The following NR3C2 variants were observed in gnomAD, a reference collection of about 807,000 sequenced individuals.
NR3C2 encodes nuclear receptor subfamily 3 group C member 2.
A neutral mutation model predicts 86.4 loss-of-function variants in NR3C2; 15 were observed. The ratio of observed to expected loss-of-function variants is 0.17; its 90% CI spans 0.12 to 0.27. The LOEUF (loss-of-function observed/expected upper bound fraction) is 0.27. NR3C2 is among the 10% of genes least tolerant of loss of function. The pLI is 1.00. For missense variants in NR3C2, 960 were observed against 1,195.6 expected (o/e 0.80, Z 2.91); for synonymous variants, 458 against 450.5 (o/e 1.02, Z -0.21).
At chr4:148,225,622 A>G (rs900996320) in intron 3 of NR3C2, among the ~76,000 whole-genome samples, 1 of 152,200 alleles carries the variant, frequency 6.6e-6, no homozygotes, top group Non-Finnish European at 1.5e-5. Context: ...AATTTGAATA[A>G]TTTTGAAATA....
At chr4:148,119,454 C>CGTAA (rs1732413459) in intron 7 of NR3C2, among the ~76,000 whole-genome samples, 2 of 152,282 alleles carry the variant, frequency 1.3e-5, no homozygotes, top group East Asian at 3.9e-4. Flanking sequence ...ACCACCATTA[C>CGTAA]ATTCCTTACC....
At chr4:148,115,028 GGT>G (rs1732209181) in intron 7 of NR3C2, among the ~76,000 whole-genome samples, 1 of 152,162 alleles carries the variant, frequency 6.6e-6, no homozygotes, top group African/African-American at 2.4e-5. Flanking sequence ...CACGTACACT[GGT>G]TTATGCGTGT....
At chr4:148,323,448 C>T (rs1300372947) in intron 2 of NR3C2, among the ~76,000 whole-genome samples, 2 of 143,394 alleles carry the variant, frequency 1.4e-5, no homozygotes, top group Non-Finnish European at 3.0e-5. Flanking sequence ...CTAATCAAGC[C>T]TGTGCAATGG....
intron 6 of NR3C2, among the ~76,000 whole-genome samples, chr4:148,129,664 C>T (rs1432224067): frequency 3.9e-5 from 6 of 152,144 alleles, no homozygotes; most frequent in East Asian, 1.9e-4. Flanking sequence ...GGCACGATCT[C>T]GGCTCACTGC....
chr4:148,357,904 T>C (rs1745628473), intron 2 of NR3C2, among the ~76,000 whole-genome samples: 1 of 152,226 alleles, frequency 6.6e-6, no homozygotes. Context: ...TTTTGATTTA[T>C]GCTGTTGTAA....
intron 4 of NR3C2, among the ~76,000 whole-genome samples, chr4:148,162,265 GA>G (rs1734694735): frequency 6.6e-6 from 1 of 152,212 alleles, no homozygotes; most frequent in Non-Finnish European, 1.5e-5. Context: ...CAGGAAGTCA[GA>G]TAGGGACAAA....
chr4:148,096,766 C>T (rs947318178), intron 8 of NR3C2, among the ~76,000 whole-genome samples: 2 of 152,186 alleles, frequency 1.3e-5, no homozygotes, highest in Non-Finnish European at 2.9e-5. Context: ...CGGCCACACT[C>T]ATTCATTCAT....
chr4:148,137,188 T>C (rs1234301078), intron 6 of NR3C2, among the ~76,000 whole-genome samples: 1 of 152,076 alleles, frequency 6.6e-6, no homozygotes, highest in Non-Finnish European at 1.5e-5. Context: ...ATCATAACCA[T>C]AGGAAGGTAG....
chr4:148,240,030 A>G (rs550899188), intron 3 of NR3C2, among the ~76,000 whole-genome samples: 1 of 152,198 alleles, frequency 6.6e-6, no homozygotes, highest in South Asian at 2.1e-4. Context: ...GGCAAATAAC[A>G]GAAGAGCACA....
chr4:148,349,880 G>A (rs923027593), intron 2 of NR3C2, among the ~76,000 whole-genome samples: 2 of 152,000 alleles, frequency 1.3e-5, no homozygotes, highest in Non-Finnish European at 2.9e-5. Context: ...CGCTCCCAAG[G>A]TAATGTTATA....
chr4:148,257,241 A>T (rs1227216664), intron 3 of NR3C2, among the ~76,000 whole-genome samples: 1 of 152,226 alleles, frequency 6.6e-6, no homozygotes, highest in Non-Finnish European at 1.5e-5. Flanking sequence ...TTAAATATAC[A>T]AACATACATC....
At chr4:148,206,505 G>A (rs1031060264) in intron 3 of NR3C2, among the ~76,000 whole-genome samples, 3 of 152,134 alleles carry the variant, frequency 2.0e-5, no homozygotes, top group African/African-American at 7.2e-5. Context: ...TTCTAAACCT[G>A]CCAGTTTCCC....
chr4:148,124,120 C>T (rs1732638355), intron 6 of NR3C2, among the ~76,000 whole-genome samples: 1 of 152,126 alleles, frequency 6.6e-6, no homozygotes, highest in Admixed American at 6.5e-5. Context: ...TGCCTGTAAT[C>T]CCAGCTACTC....
chr4:148,443,456 G>T (rs1026880802), upstream of NR3C2, among the ~76,000 whole-genome samples: 3 of 152,020 alleles, frequency 2.0e-5, 1 homozygote, highest in African/African-American at 7.2e-5. Flanking sequence ...CAGACAGGAG[G>T]GGGGAAGGAA....
chr4:148,397,177 A>G (rs1185606107), intron 2 of NR3C2, among the ~76,000 whole-genome samples: 2 of 152,046 alleles, frequency 1.3e-5, no homozygotes, highest in Admixed American at 1.3e-4. Flanking sequence ...AGCCCCCACC[A>G]TTTCCCCGTG....
At chr4:148,316,265 G>A (rs115374451) in intron 2 of NR3C2, among the ~76,000 whole-genome samples, 1,530 of 152,222 alleles carry the variant, frequency 0.01, 9 homozygotes, top group Non-Finnish European at 0.017. Context: ...GTGGTCATCT[G>A]TGGTATAACT....
At chr4:148,428,232 C>T (rs367756517) in intron 2 of NR3C2, among the ~76,000 whole-genome samples, 31 of 152,206 alleles carry the variant, frequency 2.0e-4, no homozygotes, top group East Asian at 9.7e-4. Flanking sequence ...TCCATTCCAG[C>T]GGGAGACAGT....
chr4:148,201,069 A>T (rs1022334678), intron 3 of NR3C2: 4 of 152,216 alleles, frequency 2.6e-5, no homozygotes, highest in Admixed American at 2.6e-4. Flanking sequence ...ACTCCATAGG[A>T]AACTGCGGCC....
At chr4:148,188,854 A>T (rs182476171) in intron 4 of NR3C2, among the ~76,000 whole-genome samples, 2 of 150,922 alleles carry the variant, frequency 1.3e-5, no homozygotes, top group Admixed American at 6.6e-5. Context: ...ATTCAGTATC[A>T]TGTTGGCTGT....
Sources: gnomAD v4.1 joint callset for allele counts (sites outside exome capture counted in the v4.1 genomes callset) on GRCh38, gnomAD v4.1.1 for gene constraint, MANE v1.5 for transcripts, NCBI Gene and HGNC (gene_info 2026-07-23, HGNC 2026-07-21) for gene names.